ADGRL2: variants seen among roughly 807,000 people sequenced by gnomAD.
ADGRL2 encodes the protein calcium-independent alpha-latrotoxin receptor 2.
ADGRL2 carries 44 observed loss-of-function variants against 157.4 expected under a neutral mutation model. The ratio of observed to expected loss-of-function variants is 0.28; its 90% confidence interval spans 0.22 to 0.36. The LOEUF (loss-of-function observed/expected upper bound fraction) is 0.36, where lower values mean the gene tolerates loss of function less well. ADGRL2 is among the 10% of genes least tolerant of loss of function. The probability of loss-of-function intolerance (pLI) is 1.00; values close to 1 mark genes in which losing one functional copy is unlikely to be tolerated. For missense variants in ADGRL2, 1,510 were observed against 1,768.9 expected (o/e 0.85, Z 2.63); for synonymous variants, 585 against 624.7 (o/e 0.94, Z 0.95).
intron 1 of ADGRL2, among the ~76,000 whole-genome samples, chr1:81,418,111 A>G (rs2077063175): frequency 6.6e-6 from 1 of 152,248 alleles, no homozygotes; most frequent in South Asian, 2.1e-4. Flanking sequence ...TTGAATACAT[A>G]GTGTCCAATG....
chr1:81,316,954 T>C (rs751904131), intron 1 of ADGRL2, among the ~76,000 whole-genome samples: 1 of 152,216 alleles, frequency 6.6e-6, no homozygotes, highest in Non-Finnish European at 1.5e-5. Flanking sequence ...GAATTTGACC[T>C]TTCTTTGTCA....
intron 2 of ADGRL2, among the ~76,000 whole-genome samples, chr1:81,456,352 G>T (rs1312221072): frequency 4.6e-5 from 7 of 151,788 alleles, no homozygotes; most frequent in African/African-American, 1.7e-4. Context: ...CTGAGTAGCT[G>T]GGACTATAAG....
At chr1:81,351,437 T>G (rs74093342) in intron 1 of ADGRL2, among the ~76,000 whole-genome samples, 2,674 of 152,208 alleles carry the variant, frequency 0.018, 85 homozygotes, top group African/African-American at 0.061. Flanking sequence ...CCAATTTGAT[T>G]CTAGAATCTC....
chr1:81,582,818 A>C (rs1311016612), intron 3 of ADGRL2, among the ~76,000 whole-genome samples: 1 of 152,098 alleles, frequency 6.6e-6, no homozygotes, highest in Non-Finnish European at 1.5e-5. Context: ...GCTTTCAAAG[A>C]CACATTGCCT....
intron 1 of ADGRL2, among the ~76,000 whole-genome samples, chr1:81,725,258 C>G (rs1047476844): frequency 4.3e-5 from 6 of 140,622 alleles, no homozygotes; most frequent in African/African-American, 1.6e-4. Flanking sequence ...TTGCATTTGA[C>G]GCCAGGCACG....
At chr1:81,738,114 A>G (rs149731536) in intron 1 of ADGRL2, among the ~76,000 whole-genome samples, 1 of 152,334 alleles carries the variant, frequency 6.6e-6, no homozygotes, top group African/African-American at 2.4e-5. Flanking sequence ...GCATTACAAA[A>G]AATGTATCAA....
chr1:81,755,203 A>T (rs921213867), intron 1 of ADGRL2, among the ~76,000 whole-genome samples: 1 of 126,118 alleles, frequency 7.9e-6, no homozygotes, highest in East Asian at 3.2e-4. Flanking sequence ...TATATATATA[A>T]ATGCATATAT....
chr1:81,722,165 C>T (rs1382946084), intron 1 of ADGRL2, among the ~76,000 whole-genome samples: 13 of 151,962 alleles, frequency 8.6e-5, no homozygotes, highest in Admixed American at 3.3e-4. Context: ...CGGTGGCAGG[C>T]GCCTGTAGTC....
At chr1:81,946,474 T>C (rs1200219069) in intron 6 of ADGRL2, among the ~76,000 whole-genome samples, 3 of 151,904 alleles carry the variant, frequency 2.0e-5, no homozygotes, top group East Asian at 1.9e-4. Context: ...GGAAAAACAC[T>C]TTCCAGTCCT....
intron 2 of ADGRL2, among the ~76,000 whole-genome samples, chr1:81,533,973 T>G (rs1024945208): frequency 6.6e-6 from 1 of 152,156 alleles, no homozygotes; most frequent in African/African-American, 2.4e-5. Context: ...TCATGGGGTC[T>G]CCAGACAAAG....
intron 2 of ADGRL2, among the ~76,000 whole-genome samples, chr1:81,861,714 C>A (rs954323530): frequency 1.1e-4 from 17 of 152,024 alleles, no homozygotes; most frequent in Admixed American, 7.9e-4. Context: ...CATGGTGAAA[C>A]CCTGTTTTTA....
At chr1:81,945,807 C>G (rs533426200) in intron 6 of ADGRL2, among the ~76,000 whole-genome samples, 1 of 152,128 alleles carries the variant, frequency 6.6e-6, no homozygotes, top group East Asian at 1.9e-4. Flanking sequence ...TTATTCAGCC[C>G]TTAGTGATGA....
At chr1:81,377,771 A>G (rs1369185425) in intron 1 of ADGRL2, among the ~76,000 whole-genome samples, 1 of 142,538 alleles carries the variant, frequency 7.0e-6, no homozygotes, top group African/African-American at 2.6e-5. Flanking sequence ...AAAAACTTCA[A>G]AAAAAGAAAG....
chr1:81,662,312 G>A (rs1479516012), intron 3 of ADGRL2, among the ~76,000 whole-genome samples: 1 of 145,422 alleles, frequency 6.9e-6, no homozygotes, highest in African/African-American at 2.6e-5. Flanking sequence ...CTGGAGTGCA[G>A]TGGTGCCATC....
At chr1:81,815,628 A>G (rs1464779249) in intron 1 of ADGRL2, among the ~76,000 whole-genome samples, 1 of 151,790 alleles carries the variant, frequency 6.6e-6, no homozygotes, top group Non-Finnish European at 1.5e-5. Context: ...TTATAGAATT[A>G]TGGTGACAGT....
chr1:81,578,469 A>G (rs181997228), intron 2 of ADGRL2, among the ~76,000 whole-genome samples: 147 of 152,302 alleles, frequency 9.7e-4, no homozygotes, highest in Non-Finnish European at 1.7e-3. Flanking sequence ...AATACTGTTA[A>G]TGAAACAATT....
At chr1:81,845,738 C>T (rs945533224) in intron 2 of ADGRL2, among the ~76,000 whole-genome samples, 1 of 150,630 alleles carries the variant, frequency 6.6e-6, no homozygotes, top group Non-Finnish European at 1.5e-5. Context: ...ATTATAAAAA[C>T]CTATTTTTGC....
At chr1:81,430,973 C>G (rs1442669874) in intron 1 of ADGRL2, among the ~76,000 whole-genome samples, 2 of 152,204 alleles carry the variant, frequency 1.3e-5, no homozygotes, top group African/African-American at 2.4e-5. Flanking sequence ...ATATGTTTGG[C>G]TTATTTTATT....
At chr1:81,431,902 C>A (rs776971414) in intron 1 of ADGRL2, among the ~76,000 whole-genome samples, 19 of 152,286 alleles carry the variant, frequency 1.2e-4, no homozygotes, top group Non-Finnish European at 1.6e-4. Flanking sequence ...CATCACCACA[C>A]AATTGGGCTT....
Sources: allele counts gnomAD v4.1 joint callset (sites outside exome capture counted in the v4.1 genomes callset), GRCh38; gene constraint gnomAD v4.1.1; transcripts MANE v1.5; gene names NCBI Gene and HGNC (gene_info 2026-07-23, HGNC 2026-07-21).